Variants in MREG observed in about 807,000 individuals in gnomAD.
The protein encoded by MREG is dilute suppressor protein homolog.
In MREG, 31 loss-of-function variants were observed where a neutral mutation model predicts 28.5. The observed-to-expected ratio is 1.09, with a 90% CI of 0.82 to 1.47. MREG has a LOEUF of 1.47. MREG is among the 40% of genes most tolerant of loss of function. MREG has a pLI of 0.00. For synonymous variants in MREG, 106 were observed against 95.2 expected (o/e 1.11, Z -0.66); for missense variants, 256 against 257.4 (o/e 0.99, Z 0.04).
intron 2 of MREG, among the ~76,000 whole-genome samples, chr2:215,986,871 A>G (rs1251396922): frequency 2.0e-5 from 3 of 152,248 alleles, no homozygotes; most frequent in African/African-American, 7.2e-5. Flanking sequence ...TATTAGCAGC[A>G]TGAGAACAGA....
chr2:215,975,126 A>G (rs12613256), intron 2 of MREG, among the ~76,000 whole-genome samples: 5,066 of 151,392 alleles, frequency 0.033, 106 homozygotes, highest in East Asian at 0.094. Context: ...ACTGCAGGTA[A>G]CAGTCCACAA....
chr2:215,947,157 T>A, intron 2 of MREG, 44 bp from the exon 3 acceptor site: 1 of 1,282,826 alleles, frequency 7.8e-7, no homozygotes. Flanking sequence ...CCCCTTGGCT[T>A]AAACCTCTAT....
chr2:215,988,645 T>C (rs1006592704), intron 2 of MREG, among the ~76,000 whole-genome samples: 2 of 152,208 alleles, frequency 1.3e-5, no homozygotes, highest in Non-Finnish European at 2.9e-5. Context: ...TCCACTGGCT[T>C]GAAATTCTCG....
chr2:215,965,757 T>C (rs778720098), intron 2 of MREG, among the ~76,000 whole-genome samples: 1 of 152,192 alleles, frequency 6.6e-6, no homozygotes, highest in Non-Finnish European at 1.5e-5. Context: ...GGAAGAAGTT[T>C]AAGCAGCAGG....
intron 2 of MREG, among the ~76,000 whole-genome samples, chr2:215,975,122 G>A (rs888551272): frequency 8.6e-5 from 13 of 150,742 alleles, no homozygotes; most frequent in African/African-American, 2.9e-4. Flanking sequence ...TTCTACTGCA[G>A]GTAACAGTCC....
intron 2 of MREG, 71 bp from the exon 3 acceptor site, chr2:215,947,184 A>G: frequency 1.1e-6 from 1 of 924,254 alleles, no homozygotes; most frequent in East Asian, 2.6e-5. Context: ...CCCAAACTTC[A>G]TGTTGCCTAA....
intron 2 of MREG, among the ~76,000 whole-genome samples, chr2:215,988,225 T>C (rs1271585916): frequency 6.6e-6 from 1 of 152,112 alleles, no homozygotes; most frequent in South Asian, 2.1e-4. Context: ...GGTTAGACAG[T>C]TGGTGCAGCC....
intron 1 of MREG, among the ~76,000 whole-genome samples, chr2:216,022,812 G>T (rs1388625825): frequency 6.6e-6 from 1 of 152,216 alleles, no homozygotes; most frequent in African/African-American, 2.4e-5. Flanking sequence ...AGAAGCAGAA[G>T]CAGAGTTTCT....
chr2:215,989,236 T>G (rs1693659410), intron 2 of MREG, among the ~76,000 whole-genome samples: 1 of 152,186 alleles, frequency 6.6e-6, no homozygotes, highest in South Asian at 2.1e-4. Flanking sequence ...CCTCCGCTGG[T>G]GATACCCAGG....
chr2:215,960,009 G>A (rs1225840410), intron 2 of MREG, among the ~76,000 whole-genome samples: 3 of 151,400 alleles, frequency 2.0e-5, no homozygotes, highest in South Asian at 2.1e-4. Context: ...AGGCTGGAGT[G>A]CAGTGGCGTG....
At chr2:216,015,778 G>A (rs1694439896), upstream of MREG, among the ~76,000 whole-genome samples, 1 of 152,176 alleles carries the variant, frequency 6.6e-6, no homozygotes, top group Non-Finnish European at 1.5e-5. Flanking sequence ...AGGATATGCT[G>A]AAGGATTGTA....
At chr2:215,998,674 A>T (rs1269175920) in intron 1 of MREG, among the ~76,000 whole-genome samples, 1 of 152,254 alleles carries the variant, frequency 6.6e-6, no homozygotes, top group African/African-American at 2.4e-5. Context: ...TCTTCCTAAG[A>T]ATGATGAACC....
At chr2:216,015,185 GTA>G (rs1694425342), upstream of MREG, among the ~76,000 whole-genome samples, 1 of 152,172 alleles carries the variant, frequency 6.6e-6, no homozygotes, top group East Asian at 1.9e-4. Context: ...GTGTGTTCGT[GTA>G]TGTGTGCGTG....
At chr2:216,033,164 G>A (rs774552873), upstream of MREG, among the ~76,000 whole-genome samples, 30 of 152,068 alleles carry the variant, frequency 2.0e-4, no homozygotes, top group Non-Finnish European at 3.8e-4. Flanking sequence ...AATGTATAAT[G>A]TATCTGCCAC....
intron 1 of MREG, among the ~76,000 whole-genome samples, chr2:216,020,841 T>C (rs1446423824): frequency 6.6e-6 from 1 of 152,116 alleles, no homozygotes; most frequent in Non-Finnish European, 1.5e-5. Flanking sequence ...CTACAGGAGC[T>C]CTCTGCAAGA....
intron 2 of MREG, among the ~76,000 whole-genome samples, chr2:215,972,611 C>T (rs1255594878): frequency 1.1e-4 from 13 of 122,132 alleles, no homozygotes; most frequent in Middle Eastern, 4.3e-3. Flanking sequence ...GTGAGACTCT[C>T]TCCCAGAAAA....
intron 2 of MREG, among the ~76,000 whole-genome samples, chr2:215,970,678 T>G (rs1318454492): frequency 6.6e-6 from 1 of 152,312 alleles, no homozygotes; most frequent in South Asian, 2.1e-4. Flanking sequence ...CTCTGTGACC[T>G]CAGTTTTACG....
chr2:216,019,027 G>A (rs1379211801), intron 1 of MREG, among the ~76,000 whole-genome samples: 4 of 152,150 alleles, frequency 2.6e-5, no homozygotes, highest in Non-Finnish European at 5.9e-5. Flanking sequence ...TTATTTTAAG[G>A]GTAGCATCTT....
At chr2:216,004,442 T>C (rs1476325037) in intron 1 of MREG, among the ~76,000 whole-genome samples, 1 of 151,718 alleles carries the variant, frequency 6.6e-6, no homozygotes, top group Non-Finnish European at 1.5e-5. Flanking sequence ...CTTAAAACAG[T>C]GCCTAACAGG....
Sources: gnomAD v4.1 joint callset for allele counts (sites outside exome capture counted in the v4.1 genomes callset) on GRCh38, gnomAD v4.1.1 for gene constraint, MANE v1.5 for transcripts, NCBI Gene and HGNC (gene_info 2026-07-23, HGNC 2026-07-21) for gene names.